The following COBL variants were observed in gnomAD, a reference collection of about 807,000 sequenced individuals.
COBL encodes protein cordon-bleu.
A neutral mutation model predicts 98.8 loss-of-function variants in COBL; 51 were observed. The ratio of observed to expected loss-of-function variants is 0.52; its 90% CI spans 0.41 to 0.65. The LOEUF (loss-of-function observed/expected upper bound fraction) is 0.65. Ranked by LOEUF, COBL falls within the 30% of genes least tolerant of loss-of-function variation. The pLI is 0.00. For synonymous variants in COBL, 634 were observed against 651.7 expected (o/e 0.97, Z 0.41); for missense variants, 1,617 against 1,617.5 (o/e 1.00, Z 0.01).
chr7:51,157,968 A>T (rs10258600), intron 5 of COBL, among the ~76,000 whole-genome samples: 18,395 of 152,238 alleles, frequency 0.12, 1,594 homozygotes, highest in African/African-American at 0.24. Flanking sequence ...CTGTGTTGTT[A>T]ATGGACAGAC....
chr7:51,083,970 A>T (rs946990805), intron 7 of COBL, among the ~76,000 whole-genome samples: 2 of 152,154 alleles, frequency 1.3e-5, no homozygotes, highest in Non-Finnish European at 2.9e-5. Flanking sequence ...TTTATGAAAA[A>T]TGGGGAGAGA....
In COBL at chr7:51,039,229, C is replaced by G. The variant is rs150749875; in HGVS notation, c.1406+4154G>C. Reference sequence around the variant, plus strand: ...TCCTCTTTGCTATTGTTTCTCTCAACCGCCAGAGTCTGAACATGGATGCTG... The same window carrying G: ...TCCTCTTTGCTATTGTTTCTCTCAAGCGCCAGAGTCTGAACATGGATGCTG... On this transcript the variant is annotated intron_variant, in intron 8 of 12. Coordinates refer to ENST00000265136, the MANE Select transcript of COBL (RefSeq NM_015198.5). 8.5e-3 allele frequency among the ~76,000 whole-genome samples: 1,297 copies of G among 152,356 alleles called. 13 individuals carry two copies. Among genetic ancestry groups the G allele is most frequent in the South Asian group, 0.013 (64 of 4,826 alleles).
chr7:51,107,092 G>GTTTTTTTTT (rs1160414563), intron 6 of COBL, among the ~76,000 whole-genome samples: 8 of 63,368 alleles, frequency 1.3e-4, no homozygotes, highest in Non-Finnish European at 1.9e-4. Flanking sequence ...TAGTTTGTTT[G>GTTTTTTTTT]TTTTTTTTTT....
intron 8 of COBL, chr7:51,034,418 G>C (rs1788431951): frequency 6.6e-6 from 1 of 152,256 alleles, no homozygotes; most frequent in Admixed American, 6.5e-5. Flanking sequence ...CTCTTCTTTT[G>C]ATGCAAAACA....
At chr7:51,177,645 C>T (rs888868087) in intron 5 of COBL, among the ~76,000 whole-genome samples, 4 of 151,800 alleles carry the variant, frequency 2.6e-5, no homozygotes, top group South Asian at 2.1e-4. Context: ...TGGTAGCAGG[C>T]GCCTGTGATC....
intron 2 of COBL, 74 bp from the exon 3 acceptor site, chr7:51,193,663 G>C (rs1790332944): frequency 7.6e-7 from 1 of 1,313,090 alleles, no homozygotes; most frequent in Admixed American, 2.0e-5. Context: ...AATAAGGGTA[G>C]AACAAATGAA....
At chr7:51,052,991 C>T (rs1280421216) in intron 7 of COBL, among the ~76,000 whole-genome samples, 1 of 152,092 alleles carries the variant, frequency 6.6e-6, no homozygotes, top group African/African-American at 2.4e-5. Context: ...GCCTTGTTTC[C>T]CAAGAAGGCA....
At chr7:51,172,157 C>T (rs990690142) in intron 5 of COBL, among the ~76,000 whole-genome samples, 12 of 152,200 alleles carry the variant, frequency 7.9e-5, no homozygotes, top group Non-Finnish European at 1.6e-4. Flanking sequence ...AGCTCCAAAA[C>T]CACCAGGCTA....
chr7:51,088,501 T>C (rs1407394516), intron 6 of COBL, among the ~76,000 whole-genome samples: 1 of 152,178 alleles, frequency 6.6e-6, no homozygotes, highest in African/African-American at 2.4e-5. Flanking sequence ...ATAGCTTCTC[T>C]TTCCTCTCAG....
intron 5 of COBL, among the ~76,000 whole-genome samples, chr7:51,160,457 ACC>A (rs1421025682): frequency 6.6e-6 from 1 of 151,958 alleles, no homozygotes; most frequent in Non-Finnish European, 1.5e-5. Context: ...CATAAAGAAA[ACC>A]TCCCAAATGA....
intron 1 of COBL, among the ~76,000 whole-genome samples, chr7:51,229,940 T>C (rs1267759269): frequency 6.6e-6 from 1 of 152,160 alleles, no homozygotes; most frequent in Non-Finnish European, 1.5e-5. Flanking sequence ...GGTTTGGGGA[T>C]GGAGGGATCT....
chr7:51,140,626 ATTTGACTTTCAT>A (rs905243745), intron 5 of COBL, among the ~76,000 whole-genome samples: 2 of 152,100 alleles, frequency 1.3e-5, no homozygotes, highest in Non-Finnish European at 2.9e-5. Flanking sequence ...TTTTCCTTTT[ATTTGACTTTCAT>A]TGTGACGACA....
chr7:51,160,644 T>A (rs12719038), intron 5 of COBL, among the ~76,000 whole-genome samples: 59,372 of 152,040 alleles, frequency 0.39, 13,031 homozygotes, highest in Non-Finnish European at 0.5. Context: ...GAGCTCACGG[T>A]ACACACGGGA....
Position 51,028,056 on chromosome 7 carries a change from G to T in COBL, c.3040C>A (p.Arg1014Ser), listed in dbSNP as rs150541791. The T allele has an allele frequency of 4.3e-6, 7 of 1,611,892 alleles. No homozygotes were observed. The highest frequency in any genetic ancestry group is 5.9e-6 in the Non-Finnish European group (7 of 1,178,912). The change falls in exon 10 of 13, where the codon CGC (arginine) becomes AGC (serine). Residue 1014 changes from arginine (R) to serine (S), a missense_variant. Coordinates refer to ENST00000265136, the MANE Select transcript of COBL (RefSeq NM_015198.5). The part of the protein sequence containing the change: ...QEASSASEPR[R>S]APDGTDPPPP... ...GGTGGGTCTGTACCATCAGGTGCGC[G>T]TCTGGGCTCAGATGCTGAGCTGGCC...
At chr7:51,077,914 A>T (rs1051527210) in intron 7 of COBL, among the ~76,000 whole-genome samples, 4 of 152,150 alleles carry the variant, frequency 2.6e-5, no homozygotes, top group Admixed American at 1.3e-4. Flanking sequence ...TTTTGAGCCA[A>T]ATCACCCACT....
intron 1 of COBL, among the ~76,000 whole-genome samples, chr7:51,286,331 G>GAA (rs35968199): frequency 5.0e-5 from 6 of 118,926 alleles, no homozygotes; most frequent in Non-Finnish European, 8.9e-5. Context: ...GATACTGACT[G>GAA]AAAAAAAAAA....
intron 2 of COBL, among the ~76,000 whole-genome samples, chr7:51,219,458 C>T (rs768864351): frequency 2.0e-5 from 3 of 151,938 alleles, no homozygotes; most frequent in South Asian, 2.1e-4. Flanking sequence ...TACCTGCCCT[C>T]GTTTCTGAGC....
chr7:51,142,309 GCT>G (rs1799836535), intron 5 of COBL, among the ~76,000 whole-genome samples: 1 of 151,502 alleles, frequency 6.6e-6, no homozygotes, highest in Admixed American at 6.6e-5. Flanking sequence ...TGTCACACAA[GCT>G]CTCTGATGGT....
intron 1 of COBL, among the ~76,000 whole-genome samples, chr7:51,276,207 T>C (rs1246141088): frequency 6.6e-6 from 1 of 152,186 alleles, no homozygotes; most frequent in Non-Finnish European, 1.5e-5. Context: ...GCACAGCACA[T>C]TTTGAAGCTG....
Sources: gnomAD v4.1 joint callset for allele counts (sites outside exome capture counted in the v4.1 genomes callset) on GRCh38, gnomAD v4.1.1 for gene constraint, MANE v1.5 for transcripts, NCBI Gene and HGNC (gene_info 2026-07-23, HGNC 2026-07-21) for gene names.